CREBBP: variants seen among roughly 807,000 people sequenced by gnomAD.
CREBBP encodes CREB binding lysine acetyltransferase.
In CREBBP, 19 loss-of-function variants were observed where a neutral mutation model predicts 265.0. The observed-to-expected ratio is 0.07, with a 90% CI of 0.05 to 0.11. The LOEUF (loss-of-function observed/expected upper bound fraction) is 0.11, where lower values mean the gene tolerates loss of function less well. Ranked by LOEUF, CREBBP falls within the 10% of genes least tolerant of loss-of-function variation. The probability of loss-of-function intolerance (pLI) is 1.00; values close to 1 mark genes in which losing one functional copy is unlikely to be tolerated. For missense variants in CREBBP, 2,525 were observed against 3,219.0 expected (o/e 0.78, Z 5.22); for synonymous variants, 1,457 against 1,223.7 (o/e 1.19, Z -3.98).
At chr16:3,775,370 G>A (rs1001908139) in intron 11 of CREBBP, among the ~76,000 whole-genome samples, 7 of 152,156 alleles carry the variant, frequency 4.6e-5, no homozygotes, top group Non-Finnish European at 8.8e-5. Context: ...TCCAGACTGC[G>A]GTGTCTAGTT....
chr16:3,777,807 G>T, intron 10 of CREBBP, 150 bp from the exon 11 acceptor site: 2 of 1,093,498 alleles, frequency 1.8e-6, no homozygotes, highest in African/African-American at 1.6e-5. Flanking sequence ...CAATGCCAGC[G>T]CACCCTGTAA....
intron 25 of CREBBP, 94 bp from the exon 26 acceptor site, chr16:3,738,766 G>T: frequency 1.2e-6 from 1 of 832,734 alleles, no homozygotes; most frequent in South Asian, 1.4e-5. Context: ...TTACTTTTTA[G>T]ACAGGGTCTT....
At chr16:3,861,142 C>T (rs1364671570) in intron 1 of CREBBP, among the ~76,000 whole-genome samples, 3 of 151,902 alleles carry the variant, frequency 2.0e-5, no homozygotes, top group Non-Finnish European at 1.5e-5. Flanking sequence ...ATTAGCTGGG[C>T]GTGGTGGCAG....
rs562877252 is a variant in CREBBP at position 3,878,337 on chromosome 16, A to T, written c.85+1495T>A. Among the ~76,000 whole-genome samples the T allele has an allele frequency of 3.9e-5, 6 of 152,374 alleles. No homozygotes were observed. The South Asian group carries it at 1.2e-3, about 32-fold the overall frequency. On this transcript the variant is annotated intron_variant, in intron 1 of 30. Coordinates refer to ENST00000262367, the MANE Select transcript of CREBBP (RefSeq NM_004380.3). Reference sequence around the variant, plus strand: ...TTTCTCACTTCAATAAGTTCATTTTATAAGATTAACGTCAAACTCAACTTT... The same window carrying T: ...TTTCTCACTTCAATAAGTTCATTTTTTAAGATTAACGTCAAACTCAACTTT...
intron 1 of CREBBP, among the ~76,000 whole-genome samples, chr16:3,858,209 G>A (rs1732479070): frequency 6.6e-6 from 1 of 152,142 alleles, no homozygotes; most frequent in Non-Finnish European, 1.5e-5. Context: ...CAAACACCAG[G>A]TGGGTGGCTA....
intron 1 of CREBBP, among the ~76,000 whole-genome samples, chr16:3,862,277 G>A (rs988776830): frequency 6.6e-6 from 1 of 152,194 alleles, no homozygotes; most frequent in Admixed American, 6.5e-5. Context: ...AGGGACAGAA[G>A]ACAGCAAGAC....
At chr16:3,832,282 A>G (rs1209299702) in intron 2 of CREBBP, among the ~76,000 whole-genome samples, 4 of 152,242 alleles carry the variant, frequency 2.6e-5, no homozygotes, top group Non-Finnish European at 5.9e-5. Flanking sequence ...TACTAATCTT[A>G]AATGAACTTT....
At chr16:3,817,462 G>C (rs996239107) in intron 2 of CREBBP, among the ~76,000 whole-genome samples, 1 of 149,608 alleles carries the variant, frequency 6.7e-6, no homozygotes, top group Non-Finnish European at 1.5e-5. Flanking sequence ...CACTAACCAG[G>C]AGAATCTCTC....
At chr16:3,853,410 A>G (rs1186648311) in intron 1 of CREBBP, among the ~76,000 whole-genome samples, 1 of 151,908 alleles carries the variant, frequency 6.6e-6, no homozygotes, top group South Asian at 2.1e-4. Context: ...GGAGATTGAG[A>G]CCATCCTGGC....
chr16:3,750,622 ACT>A (rs1416152027), intron 20 of CREBBP, among the ~76,000 whole-genome samples: 1 of 152,226 alleles, frequency 6.6e-6, no homozygotes, highest in Non-Finnish European at 1.5e-5. Context: ...CTCGAAGGTA[ACT>A]CTGCCGGATA....
intron 19 of CREBBP, among the ~76,000 whole-genome samples, chr16:3,753,079 T>G (rs558598544): frequency 5.5e-4 from 83 of 152,288 alleles, no homozygotes; most frequent in African/African-American, 2.0e-3. Flanking sequence ...CTCAAAACTA[T>G]GTCTACAAGA....
intron 19 of CREBBP, among the ~76,000 whole-genome samples, chr16:3,756,331 C>T (rs1450689668): frequency 2.6e-5 from 4 of 152,232 alleles, no homozygotes; most frequent in East Asian, 1.9e-4. Context: ...ACGCATGGTG[C>T]GCTCACACTG....
chr16:3,808,119 G>A (rs1423939688), intron 3 of CREBBP, among the ~76,000 whole-genome samples: 1 of 150,760 alleles, frequency 6.6e-6, no homozygotes, highest in African/African-American at 2.4e-5. Flanking sequence ...AGAAAGAGAG[G>A]GGGTGGGGAG....
chr16:3,837,318 A>T (rs925428895), intron 2 of CREBBP, among the ~76,000 whole-genome samples: 15 of 152,174 alleles, frequency 9.9e-5, no homozygotes, highest in Non-Finnish European at 1.9e-4. Context: ...AAAAAAGTTT[A>T]AAAAATTAAA....
At chr16:3,876,413 A>AC (rs1567382872) in intron 1 of CREBBP, among the ~76,000 whole-genome samples, 10 of 149,640 alleles carry the variant, frequency 6.7e-5, no homozygotes, top group African/African-American at 2.2e-4. Context: ...AAAAAAAAAA[A>AC]AAAAAAAAAA....
intron 26 of CREBBP, among the ~76,000 whole-genome samples, chr16:3,738,291 T>G (rs1212254808): frequency 6.8e-6 from 1 of 148,098 alleles, no homozygotes; most frequent in Non-Finnish European, 1.5e-5. Flanking sequence ...TTCTATGATA[T>G]GTAAACTTTG....
At chr16:3,833,290 T>C (rs1398068683) in intron 2 of CREBBP, among the ~76,000 whole-genome samples, 6 of 152,248 alleles carry the variant, frequency 3.9e-5, no homozygotes, top group Admixed American at 3.9e-4. Flanking sequence ...CGCAAGCCTG[T>C]AGTCCCAGTT....
At chr16:3,733,456 G>C (rs1351137660) in intron 28 of CREBBP, among the ~76,000 whole-genome samples, 1 of 152,046 alleles carries the variant, frequency 6.6e-6, no homozygotes, top group Non-Finnish European at 1.5e-5. Context: ...GACAGAAAAG[G>C]GACGTCAGGG....
intron 30 of CREBBP, among the ~76,000 whole-genome samples, chr16:3,730,975 G>A (rs1465143744): frequency 6.6e-6 from 1 of 152,208 alleles, no homozygotes; most frequent in Non-Finnish European, 1.5e-5. Flanking sequence ...CCCTCTGGCC[G>A]TCCCCAGGGT....
Sources: allele counts gnomAD v4.1 joint callset (sites outside exome capture counted in the v4.1 genomes callset), GRCh38; gene constraint gnomAD v4.1.1; transcripts MANE v1.5; gene names NCBI Gene and HGNC (gene_info 2026-07-23, HGNC 2026-07-21).